Variants in FANCI observed in about 807,000 individuals in gnomAD.
FANCI encodes the protein Fanconi anemia group I protein.
FANCI carries 156 observed loss-of-function variants against 176.1 expected under a neutral mutation model. That is an observed-to-expected ratio of 0.89 (90% CI 0.78 to 1.01). The LOEUF (loss-of-function observed/expected upper bound fraction) is 1.01. Ranked by LOEUF, FANCI falls within the 50% of genes least tolerant of loss-of-function variation. FANCI has a pLI of 0.00. For missense variants in FANCI, 1,678 were observed against 1,534.1 expected (o/e 1.09, Z -1.57); for synonymous variants, 613 against 541.7 (o/e 1.13, Z -1.83).
intron 9 of FANCI, among the ~76,000 whole-genome samples, chr15:89,267,908 C>T (rs2053037530): frequency 6.6e-6 from 1 of 152,136 alleles, no homozygotes; most frequent in Non-Finnish European, 1.5e-5. Context: ...GCCTGAGTGA[C>T]AGAGCGAGAC....
chr15:89,295,361 CAAAAG>C lies in FANCI; in HGVS notation c.2636+272_2636+276del, dbSNP rs1435529385. 2.4e-4 allele frequency among the ~76,000 whole-genome samples: 21 copies of C among 88,534 alleles called. No individual in the cohort carries two copies. In the South Asian group the frequency reaches 8.2e-3, roughly 34 times the overall value. 58.1% of individuals were successfully genotyped at this position (88,534 alleles called of 152,430 possible). A position where few individuals can be genotyped will look rare whatever the true frequency, so the allele number is the denominator to read the frequency against. ...AGCCTGGGTGACAGGGCAAGACTCT[CAAAAG>C]AAAAAAAAAAAAAAAAAAGCCAGAC... On this transcript the variant is annotated intron_variant, in intron 24 of 37. Coordinates refer to ENST00000310775, the MANE Select transcript of FANCI (RefSeq NM_001113378.2).
intron 2 of FANCI, among the ~76,000 whole-genome samples, chr15:89,255,509 T>G (rs2052453599): frequency 1.3e-5 from 2 of 152,104 alleles, no homozygotes; most frequent in South Asian, 4.1e-4. Flanking sequence ...GGGATCAGAA[T>G]ATCACCAATG....
intron 28 of FANCI, 91 bp downstream of exon 28, chr15:89,304,006 T>C (rs1218001000): frequency 3.2e-6 from 4 of 1,259,720 alleles, no homozygotes; most frequent in Admixed American, 1.8e-5. Flanking sequence ...CCCCATTCAT[T>C]ACACATTCAC....
In FANCI at chr15:89,292,949, C is replaced by G; in HGVS notation, c.2177C>G (p.Ser726Ter). The change falls in exon 22 of 38, where the codon TCA becomes TGA. Residue 726 changes from serine (S) to a stop codon, truncating the protein, a stop_gained. Coordinates refer to ENST00000310775, the MANE Select transcript of FANCI (RefSeq NM_001113378.2). LOFTEE classifies it high-confidence loss of function. ...SELEDFELDK[S>*]ADFSQSTSIG... ...TTATCTTGTGTCTTTTAGGATAAAT[C>G]AGCAGATTTTTCTCAGAGCACCAGT... The G allele has an allele frequency of 6.2e-7, 1 of 1,614,060 alleles. No homozygotes were observed. The highest frequency in any genetic ancestry group is 8.5e-7 in the Non-Finnish European group (1 of 1,179,998).
At chr15:89,293,760 T>A in intron 22 of FANCI, 73 bp from the exon 23 acceptor site, 2 of 1,361,566 alleles carry the variant, frequency 1.5e-6, no homozygotes, top group Non-Finnish European at 2.1e-6. Context: ...GCATTGTGAT[T>A]ATTATCATAT....
intron 35 of FANCI, among the ~76,000 whole-genome samples, chr15:89,314,317 A>T (rs1040514734): frequency 6.6e-6 from 1 of 152,266 alleles, no homozygotes; most frequent in Non-Finnish European, 1.5e-5. Flanking sequence ...AAGAATTTCA[A>T]GTCAGAAAAG....
At chr15:89,261,942 T>G in intron 6 of FANCI, 64 bp downstream of exon 6, 1 of 1,454,776 alleles carries the variant, frequency 6.9e-7, no homozygotes, top group Non-Finnish European at 9.5e-7. Context: ...AACCACTTTA[T>G]TTCAGGAATT....
At chr15:89,302,657 G>A (rs1288778909) in intron 27 of FANCI, among the ~76,000 whole-genome samples, 4 of 151,118 alleles carry the variant, frequency 2.6e-5, no homozygotes, top group African/African-American at 4.9e-5. Flanking sequence ...CACTGCAGGC[G>A]CCGCCTTCCG....
chr15:89,278,423 T>A lies in FANCI; in HGVS notation c.1294-264T>A, dbSNP rs529061537. Among the ~76,000 whole-genome samples the A allele has an allele frequency of 4.5e-4, 69 of 152,234 alleles. 2 individuals are homozygous for A. The highest frequency in any genetic ancestry group is 3.8e-4 in the Non-Finnish European group (26 of 68,036). On this transcript the variant is annotated intron_variant, in intron 13 of 37. Transcript: ENST00000310775. Reference sequence around the variant, plus strand: ...CCTAAGTAGAATTGATCCTGTTTGATGCTGAACCTTATATGTAGCAATAGT... The same window carrying A: ...CCTAAGTAGAATTGATCCTGTTTGAAGCTGAACCTTATATGTAGCAATAGT...
At chr15:89,296,732 G>A (rs1012879996) in intron 24 of FANCI, among the ~76,000 whole-genome samples, 2 of 152,026 alleles carry the variant, frequency 1.3e-5, no homozygotes, top group African/African-American at 4.8e-5. Context: ...ACGGGGTGGT[G>A]GCTGGGCAGA....
intron 2 of FANCI, among the ~76,000 whole-genome samples, chr15:89,253,028 C>T (rs1163148237): frequency 6.6e-6 from 1 of 152,098 alleles, no homozygotes; most frequent in Non-Finnish European, 1.5e-5. Flanking sequence ...GAGGATTAAC[C>T]ATAGCAGAGA....
intron 9 of FANCI, among the ~76,000 whole-genome samples, chr15:89,266,893 T>TA (rs1364693346): frequency 1.3e-5 from 2 of 151,922 alleles, no homozygotes; most frequent in Admixed American, 6.6e-5. Context: ...AGGTTTGAGA[T>TA]ATATATTAGG....
intron 6 of FANCI, 67 bp downstream of exon 6, chr15:89,261,945 C>G (rs1197370541): frequency 2.8e-6 from 4 of 1,446,028 alleles, no homozygotes; most frequent in African/African-American, 1.6e-5. Flanking sequence ...CACTTTATTT[C>G]AGGAATTTAT....
At position 89,274,648 on chromosome 15, in the gene FANCI, A is replaced by G. The variant is rs182912662; in HGVS notation, c.1112+344A>G. ...GAGACAGAGTCTCACTCTGTCACCGAGGCTGGAGTGTAGTGCCACAATCTT... is the reference window on the plus strand; with the variant it reads ...GAGACAGAGTCTCACTCTGTCACCGGGGCTGGAGTGTAGTGCCACAATCTT... On this transcript the variant is annotated intron_variant, in intron 12 of 37. Coordinates refer to ENST00000310775, the MANE Select transcript of FANCI (RefSeq NM_001113378.2). Among the ~76,000 whole-genome samples the G allele has an allele frequency of 8.8e-3, 1,048 of 119,542 alleles. 9 individuals are homozygous for G. Among genetic ancestry groups the G allele is most frequent in the African/African-American group, 0.033 (981 of 29,850 alleles). 78.4% of individuals were successfully genotyped at this position (119,542 alleles called of 152,430 possible).
chr15:89,307,338 G>A (rs374526145), intron 32 of FANCI, 138 bp from the exon 33 acceptor site: 93 of 785,076 alleles, frequency 1.2e-4, no homozygotes, highest in Non-Finnish European at 1.9e-4. Flanking sequence ...GAATAAGGAA[G>A]CTTGTGTCTT....
At chr15:89,278,616 C>T in intron 13 of FANCI, 71 bp from the exon 14 acceptor site, 2 of 1,101,506 alleles carry the variant, frequency 1.8e-6, no homozygotes, top group South Asian at 2.5e-5. Flanking sequence ...TTCATGCTGC[C>T]TGACATGCAT....
At chr15:89,268,199 A>G (rs926835911) in intron 9 of FANCI, among the ~76,000 whole-genome samples, 200 bp from the exon 10 acceptor site, 3 of 152,128 alleles carry the variant, frequency 2.0e-5, no homozygotes, top group Non-Finnish European at 2.9e-5. Flanking sequence ...GGCTGAAGCA[A>G]TCCTCCCACC....
Position 89,260,749 on chromosome 15 carries a change from G to A in FANCI, c.194G>A (p.Arg65Lys). Reference sequence around the variant, plus strand: ...TCTGAGGAAGCTGGAACACTTAGGAGACGTAAGATATACACTTGTTGTATC... The same window carrying A: ...TCTGAGGAAGCTGGAACACTTAGGAAACGTAAGATATACACTTGTTGTATC... ...PCSEEAGTLR[R>K]RKIYTCCIQL... The change falls in exon 4 of 38, where the codon AGA becomes AAA. Residue 65 changes from arginine (R) to lysine (K), a missense_variant. Transcript: ENST00000310775. The A allele has an allele frequency of 1.2e-6, 2 of 1,614,008 alleles. No individual in the cohort carries two copies. The highest frequency in any genetic ancestry group is 1.1e-5 in the South Asian group (1 of 91,076).
chr15:89,287,354 C>T (rs935146008), intron 18 of FANCI, among the ~76,000 whole-genome samples: 3 of 152,022 alleles, frequency 2.0e-5, no homozygotes, highest in Non-Finnish European at 1.5e-5. Flanking sequence ...TTTTCTTTGG[C>T]AGCTTCCTCA....
Sources: gnomAD v4.1 joint callset for allele counts (sites outside exome capture counted in the v4.1 genomes callset) on GRCh38, gnomAD v4.1.1 for gene constraint, MANE v1.5 for transcripts, NCBI Gene and HGNC (gene_info 2026-07-23, HGNC 2026-07-21) for gene names.